The following RC3H1 variants were observed in gnomAD, a reference collection of about 807,000 sequenced individuals.
RC3H1 encodes roquin-1.
RC3H1 carries 50 observed loss-of-function variants against 138.2 expected under a neutral mutation model. The ratio of observed to expected loss-of-function variants is 0.36; its 90% confidence interval spans 0.29 to 0.46. The LOEUF (loss-of-function observed/expected upper bound fraction) is 0.46. Ranked by LOEUF, RC3H1 falls within the 20% of genes least tolerant of loss-of-function variation. RC3H1 has a pLI of 1.00. For synonymous variants in RC3H1, 462 were observed against 489.1 expected (o/e 0.94, Z 0.73); for missense variants, 1,031 against 1,388.1 (o/e 0.74, Z 4.09).
chr1:173,997,264 T>C (rs1661477772), intron 1 of RC3H1, among the ~76,000 whole-genome samples: 3 of 152,132 alleles, frequency 2.0e-5, no homozygotes, highest in East Asian at 1.9e-4. Context: ...AGTTACACAG[T>C]TGGGCAACTT....
At chr1:173,985,217 CAT>C (rs991041850) in intron 2 of RC3H1, among the ~76,000 whole-genome samples, 1 of 152,118 alleles carries the variant, frequency 6.6e-6, no homozygotes, top group African/African-American at 2.4e-5. Context: ...CATTGACAGA[CAT>C]ATAGGTTGTT....
In RC3H1 at chr1:173,937,193, C is replaced by T. The variant is rs1658640066; in HGVS notation, c.*1528G>A. On this transcript the variant is annotated 3_prime_UTR_variant, in exon 20 of 20. Coordinates refer to ENST00000367696, the MANE Select transcript of RC3H1 (RefSeq NM_172071.4). ...ACTGTATTACCCTTCCCACCCCCAC[C>T]ACCCATTTGTTTAAGTTAACAGTAT... The T allele has an allele frequency of 6.6e-6, 1 of 152,280 alleles. No homozygotes were observed. Among genetic ancestry groups the T allele is most frequent in the South Asian group, 2.1e-4 (1 of 4,816 alleles). 9.4% of individuals were successfully genotyped at this position (152,280 alleles called of 1,614,324 possible). A position where few individuals can be genotyped will look rare whatever the true frequency, so the allele number is the denominator to read the frequency against.
chr1:173,952,092 T>C lies in RC3H1; in HGVS notation c.2417A>G (p.Asp806Gly), dbSNP rs1262542880. The C allele has an allele frequency of 1.3e-6, 2 of 1,597,608 alleles. No homozygotes were observed. The highest frequency in any genetic ancestry group is 1.7e-6 in the Non-Finnish European group (2 of 1,172,044). ...LKVAGKYKGN[D>G]YSQYSPWSCD... ...TGACCAGGGAGAGTATTGGCTATAATCATTTCCTTTGTATTTCCCAGCTAC... is the reference window on the plus strand; with the variant it reads ...TGACCAGGGAGAGTATTGGCTATAACCATTTCCTTTGTATTTCCCAGCTAC... The change falls in exon 14 of 20, where the codon GAT becomes GGT. Residue 806 changes from aspartate to glycine, a missense_variant. Physicochemically the swap from Asp to Gly is moderately conservative, Grantham distance 94. Transcript: ENST00000367696.
At position 173,962,060 on chromosome 1, in the gene RC3H1, G is replaced by A. The variant is rs372479139; in HGVS notation, c.1867C>T (p.Arg623Cys). Residue 623 changes from arginine (R) to cysteine (C), a missense_variant, in exon 12 of 20, where the codon CGC becomes TGC. This residue lies in a region of RC3H1 where 716 missense variants were observed against 837.9 expected (regional missense o/e 0.85). Coordinates refer to ENST00000367696, the MANE Select transcript of RC3H1 (RefSeq NM_172071.4). ...YYTPPPQCVS[R>C]FVRPPPSAPE... is the part of the protein sequence containing the mutation. ...GCAGATGGTGGAGGTCGGACAAAGC[G>A]GGACACACATTGTGGTGGTGGAGTA... 2.5e-6 allele frequency: 4 copies of A among 1,613,636 alleles called. No individual in the cohort carries two copies. Among genetic ancestry groups the A allele is most frequent in the Non-Finnish European group, 2.5e-6 (3 of 1,179,896 alleles).
At chr1:173,982,427 C>G (rs1660864442) in intron 5 of RC3H1, among the ~76,000 whole-genome samples, 1 of 152,098 alleles carries the variant, frequency 6.6e-6, no homozygotes, top group African/African-American at 2.4e-5. Flanking sequence ...ATAACTCTCT[C>G]TTCAGACCAA....
intron 14 of RC3H1, among the ~76,000 whole-genome samples, chr1:173,951,425 G>A (rs998617125): frequency 6.6e-5 from 10 of 152,156 alleles, no homozygotes; most frequent in African/African-American, 2.2e-4. Context: ...AATAACCCAA[G>A]TATTAAATTT....
rs1344847473 is a variant in RC3H1, at chr1:173,931,900, G to C, written c.*6821C>G. On this transcript the variant is annotated 3_prime_UTR_variant, in exon 20 of 20. Transcript: ENST00000367696. ...TTAAAAAATCAGCTGTCACTTTAAG[G>C]CTCAATTTTTTTTTTTCCTGAACAG... The C allele has an allele frequency of 2.0e-5, 3 of 151,886 alleles. No homozygotes were observed. Among genetic ancestry groups the C allele is most frequent in the Non-Finnish European group, 2.9e-5 (2 of 67,964 alleles). 9.4% of individuals were successfully genotyped at this position (151,886 alleles called of 1,614,324 possible). A position where few individuals can be genotyped will look rare whatever the true frequency, so the allele number is the denominator to read the frequency against.
intron 9 of RC3H1, among the ~76,000 whole-genome samples, chr1:173,968,109 G>C (rs1428045680): frequency 6.6e-6 from 1 of 152,074 alleles, no homozygotes; most frequent in Non-Finnish European, 1.5e-5. Flanking sequence ...ACTCCTCCTA[G>C]ATTCTCTATT....
At chr1:173,945,106 T>C (rs1415020537) in intron 17 of RC3H1, among the ~76,000 whole-genome samples, 1 of 149,854 alleles carries the variant, frequency 6.7e-6, no homozygotes, top group Non-Finnish European at 1.5e-5. Flanking sequence ...ATGTGGCACT[T>C]AAAAGATTTT....
chr1:173,980,722 A>C, intron 6 of RC3H1, 87 bp downstream of exon 6: 1 of 917,132 alleles, frequency 1.1e-6, no homozygotes, highest in Non-Finnish European at 1.7e-6. Context: ...CAAAAGCTAT[A>C]CAGTATTCAC....
intron 17 of RC3H1, among the ~76,000 whole-genome samples, 186 bp downstream of exon 17, chr1:173,946,290 G>C (rs1312036310): frequency 6.6e-6 from 1 of 152,154 alleles, no homozygotes; most frequent in African/African-American, 2.4e-5. Context: ...TTAGGTAGCA[G>C]AAATTTTACG....
In RC3H1 at chr1:173,951,329, C is replaced by A. The variant is rs562267879; in HGVS notation, c.2523+657G>T. On this transcript the variant is annotated intron_variant, in intron 14 of 19. Transcript: ENST00000367696. ...AACAAGAGTGAAACTCCATCCCCCC[C>A]CCAAAAAAAGAGATAAGATTTTGAT... Among the ~76,000 whole-genome samples, 57 of 151,476 alleles carry A rather than the reference C, an allele frequency of 3.8e-4. 1 individual carries two copies. The highest frequency in any genetic ancestry group is 1.3e-3 in the African/African-American group (53 of 41,142).
At chr1:174,009,348 C>G (rs1207316409) in intron 1 of RC3H1, 1 of 152,132 alleles carries the variant, frequency 6.6e-6, no homozygotes, top group East Asian at 1.9e-4. Context: ...TCAGAGAAGG[C>G]CTTCCCTGAT....
At position 173,934,251 on chromosome 1, in the gene RC3H1, T is replaced by C. The variant is rs1345027769; in HGVS notation, c.*4470A>G. On this transcript the variant is annotated 3_prime_UTR_variant, in exon 20 of 20. Transcript: ENST00000367696. ...GTCTTGAATTTTAACAATCTGTACA[T>C]GTACTGACTATAGTTAGTTATTTCT... is the stretch of plus-strand genomic sequence containing the variant. 3 of 152,162 alleles carry C rather than the reference T, an allele frequency of 2.0e-5. No homozygotes were observed. Among genetic ancestry groups the C allele is most frequent in the Non-Finnish European group, 2.9e-5 (2 of 68,016 alleles). 9.4% of individuals were successfully genotyped at this position (152,162 alleles called of 1,614,324 possible).
intron 1 of RC3H1, among the ~76,000 whole-genome samples, chr1:174,010,429 T>G (rs1661729832): frequency 6.6e-6 from 1 of 152,114 alleles, no homozygotes; most frequent in South Asian, 2.1e-4. Flanking sequence ...TTTTTTTAAT[T>G]TTTGAGACAA....
At chr1:173,953,667 G>T (rs1659512600) in intron 13 of RC3H1, among the ~76,000 whole-genome samples, 1 of 152,272 alleles carries the variant, frequency 6.6e-6, no homozygotes, top group South Asian at 2.1e-4. Flanking sequence ...ACGGCCAGGA[G>T]AATGGATTAG....
intron 14 of RC3H1, among the ~76,000 whole-genome samples, chr1:173,950,880 A>T (rs559624523): frequency 2.0e-4 from 31 of 151,702 alleles, no homozygotes; most frequent in South Asian, 6.3e-4. Context: ...ACATTTTTTT[A>T]AAAAAATTAG....
intron 13 of RC3H1, among the ~76,000 whole-genome samples, chr1:173,954,137 C>G (rs1205666762): frequency 6.6e-6 from 1 of 152,134 alleles, no homozygotes; most frequent in Non-Finnish European, 1.5e-5. Flanking sequence ...TATCTGCACT[C>G]TCATGTTTTA....
At chr1:173,997,263 G>T (rs569887248) in intron 1 of RC3H1, among the ~76,000 whole-genome samples, 1 of 152,230 alleles carries the variant, frequency 6.6e-6, no homozygotes, top group South Asian at 2.1e-4. Flanking sequence ...CAGTTACACA[G>T]TTGGGCAACT....
Sources: gnomAD v4.1 joint callset for allele counts (sites outside exome capture counted in the v4.1 genomes callset) on GRCh38, gnomAD v4.1.1 for gene constraint, gnomAD v4.1.1 regional missense constraint, MANE v1.5 for transcripts, NCBI Gene and HGNC (gene_info 2026-07-23, HGNC 2026-07-21) for gene names.